Variants in SLC39A10 observed in about 807,000 individuals in gnomAD.
The protein encoded by SLC39A10 is solute carrier family 39 member 10.
Under a neutral mutation model 65.1 loss-of-function variants are expected in SLC39A10, and 13 were observed. The observed-to-expected ratio is 0.20, with a 90% CI of 0.13 to 0.32. The LOEUF (loss-of-function observed/expected upper bound fraction) is 0.32. SLC39A10 is among the 10% of genes least tolerant of loss of function. SLC39A10 has a pLI of 1.00. For synonymous variants in SLC39A10, 321 were observed against 342.2 expected (o/e 0.94, Z 0.68); for missense variants, 831 against 1,018.4 (o/e 0.82, Z 2.50).
intron 1 of SLC39A10, among the ~76,000 whole-genome samples, chr2:195,670,958 T>C (rs1689833944): frequency 6.6e-6 from 1 of 152,190 alleles, no homozygotes; most frequent in South Asian, 2.1e-4. Context: ...TACAGAAAAG[T>C]ACTCAAATGT....
chr2:195,645,605 C>T (rs1688898459), intron 2 of SLC39A10, among the ~76,000 whole-genome samples: 1 of 152,142 alleles, frequency 6.6e-6, no homozygotes, highest in African/African-American at 2.4e-5. Flanking sequence ...TTCTACCCAA[C>T]CCTCTGGTAA....
At chr2:195,660,473 A>C (rs991493860) in intron 1 of SLC39A10, among the ~76,000 whole-genome samples, 1 of 152,344 alleles carries the variant, frequency 6.6e-6, no homozygotes. Context: ...CAACAGTTTG[A>C]TGCTGCCCCC....
intron 9 of SLC39A10, among the ~76,000 whole-genome samples, chr2:195,729,342 A>G (rs1006089682): frequency 1.3e-5 from 2 of 152,112 alleles, no homozygotes; most frequent in Non-Finnish European, 2.9e-5. Flanking sequence ...TTGAAAATGT[A>G]AACAATTGTT....
chr2:195,716,093 T>C (rs1574306594), intron 6 of SLC39A10, among the ~76,000 whole-genome samples: 2 of 152,252 alleles, frequency 1.3e-5, no homozygotes, highest in East Asian at 3.8e-4. Flanking sequence ...TTTTGGGTTC[T>C]GGCTTTTCAG....
rs1691497915 is a variant in SLC39A10, at chr2:195,708,746, G to C, written c.1477G>C (p.Asp493His). 2 of 1,613,214 alleles carry C rather than the reference G, an allele frequency of 1.2e-6. No homozygotes were observed. Among genetic ancestry groups the C allele is most frequent in the East Asian group, 2.2e-5 (1 of 44,800 alleles). Reference protein sequence around the residue: ...HESNKFLEEYDAVLKGLVALG... With the variant: ...HESNKFLEEYHAVLKGLVALG... ...ATCTAACAAGTTTTTGGAAGAATATGATGCTGTATTGAAAGGACTTGTTGC... is the reference window on the plus strand; with the variant it reads ...ATCTAACAAGTTTTTGGAAGAATATCATGCTGTATTGAAAGGACTTGTTGC... The change falls in exon 5 of 10, where the codon GAT becomes CAT. Residue 493 changes from aspartate (D) to histidine (H), a missense_variant. Asp to His is a moderately conservative substitution (Grantham distance 81, BLOSUM62 -1). Coordinates refer to ENST00000359634, the MANE Select transcript of SLC39A10 (RefSeq NM_020342.3).
chr2:195,680,607 G>T lies in SLC39A10; in HGVS notation c.565G>T (p.Asp189Tyr). Residue 189 changes from aspartate (D) to tyrosine (Y), a missense_variant, in exon 2 of 10, where the codon GAT becomes TAT. Asp to Tyr is a radical substitution (Grantham distance 160). This residue lies in a region of SLC39A10 where 446 missense variants were observed against 499.2 expected (regional missense o/e 0.89). Transcript: ENST00000359634. Reference protein sequence around the residue: ...RHHHRLHHHLDHNNTHHFHND... With the variant: ...RHHHRLHHHLYHNNTHHFHND... Reference sequence around the variant, plus strand: ...TCACCATCGTTTGCATCATCATCTTGATCATAACAACACTCACCATTTTCA... The same window carrying T: ...TCACCATCGTTTGCATCATCATCTTTATCATAACAACACTCACCATTTTCA... The T allele has an allele frequency of 1.9e-6, 3 of 1,613,988 alleles. No individual in the cohort carries two copies. The highest frequency in any genetic ancestry group is 2.5e-6 in the Non-Finnish European group (3 of 1,180,010).
chr2:195,735,894 G>A lies in SLC39A10; in HGVS notation c.*853G>A, dbSNP rs916577340. The A allele has an allele frequency of 2.7e-5, 4 of 146,700 alleles. No homozygotes were observed. The highest frequency in any genetic ancestry group is 7.6e-5 in the African/African-American group (3 of 39,408). The allele number at this position is 146,700 out of a possible 1,614,324, so 9.1% of individuals were successfully genotyped here. A position where few individuals can be genotyped will look rare whatever the true frequency, so the allele number is the denominator to read the frequency against. On this transcript the variant is annotated 3_prime_UTR_variant, in exon 10 of 10. Transcript: ENST00000359634. The stretch of plus-strand genomic sequence containing the variant: ...TTGTAACCCTCTAGAAAATATCAAA[G>A]AAATGAACCAGACGTGGTTTAAATA...
rs58936616 is a variant in SLC39A10, at chr2:195,729,961, A to ATTTTTT, written c.2337+1631_2337+1636dup. 7.5e-3 allele frequency among the ~76,000 whole-genome samples: 689 copies of ATTTTTT among 92,110 alleles called. 6 individuals carry two copies. Among genetic ancestry groups the ATTTTTT allele is most frequent in the Middle Eastern group, 0.019 (2 of 104 alleles). 60.4% of individuals were successfully genotyped at this position (92,110 alleles called of 152,430 possible). On this transcript the variant is annotated intron_variant, in intron 9 of 9. Transcript: ENST00000359634. ...CCATGGGTGCACACCACCATGCCTAATTTTTTTTTTTTTTTTTTTTTTTTG... is the reference window on the plus strand; with the variant it reads ...CCATGGGTGCACACCACCATGCCTAATTTTTTTTTTTTTTTTTTTTTTTTTTTTTTG...
intron 8 of SLC39A10, among the ~76,000 whole-genome samples, chr2:195,724,188 T>C (rs1692150888): frequency 6.6e-6 from 1 of 152,194 alleles, no homozygotes; most frequent in Non-Finnish European, 1.5e-5. Flanking sequence ...TGTTAACAGA[T>C]GTTAACATCT....
rs1304816487 is a variant in SLC39A10, at chr2:195,736,085, A to G, written c.*1044A>G. On this transcript the variant is annotated 3_prime_UTR_variant, in exon 10 of 10. Transcript: ENST00000359634. ...AGTTTACCATGTCTGTAATGTGTAC[A>G]TGAAGTGTCAATTTAGAACAGTTAC... 1.3e-5 allele frequency: 2 copies of G among 152,604 alleles called. No homozygotes were observed. The highest frequency in any genetic ancestry group is 2.4e-5 in the African/African-American group (1 of 41,440). The allele number at this position is 152,604 out of a possible 1,614,324, so 9.5% of individuals were successfully genotyped here. A position where few individuals can be genotyped will look rare whatever the true frequency, so the allele number is the denominator to read the frequency against.
chr2:195,713,026 C>T (rs755988490), intron 5 of SLC39A10, among the ~76,000 whole-genome samples: 5 of 152,146 alleles, frequency 3.3e-5, no homozygotes, highest in Admixed American at 6.5e-5. Context: ...CTCTTCTTTA[C>T]GTCACATTCA....
intron 1 of SLC39A10, among the ~76,000 whole-genome samples, chr2:195,676,691 G>GT (rs1690105181): frequency 6.6e-6 from 1 of 152,132 alleles, no homozygotes; most frequent in East Asian, 1.9e-4. Context: ...ATTTTCGTTA[G>GT]TATAATTTTA....
At chr2:195,706,184 T>G (rs188237493) in intron 3 of SLC39A10, among the ~76,000 whole-genome samples, 1 of 152,258 alleles carries the variant, frequency 6.6e-6, no homozygotes, top group Non-Finnish European at 1.5e-5. Flanking sequence ...TTAGAAAGAT[T>G]TACAAAGATT....
chr2:195,713,439 C>T lies in SLC39A10; in HGVS notation c.1582C>T (p.Gln528Ter). The change falls in exon 6 of 10, where the codon CAG (glutamine) becomes TAG (stop). Residue 528 changes from glutamine to a stop codon, truncating the protein, a stop_gained. Coordinates refer to ENST00000359634, the MANE Select transcript of SLC39A10 (RefSeq NM_020342.3). LOFTEE classifies it high-confidence loss of function. ...FKHYKQQRGKQKWFMKQNTEE... is the reference protein window; with the variant it reads ...FKHYKQQRGK Reference sequence around the variant, plus strand: ...ATTTTTTTTCTTTTTTTAGGGAAAACAGAAATGGTTTATGAAACAGAACAC... The same window carrying T: ...ATTTTTTTTCTTTTTTTAGGGAAAATAGAAATGGTTTATGAAACAGAACAC... The T allele has an allele frequency of 6.5e-7, 1 of 1,543,324 alleles. No homozygotes were observed. Among genetic ancestry groups the T allele is most frequent in the Non-Finnish European group, 8.7e-7 (1 of 1,154,844 alleles).
intron 8 of SLC39A10, among the ~76,000 whole-genome samples, chr2:195,721,092 C>T (rs1402346796): frequency 6.6e-6 from 1 of 152,084 alleles, no homozygotes; most frequent in African/African-American, 2.4e-5. Flanking sequence ...CAGGCGTGCA[C>T]CACCATGCCC....
intron 3 of SLC39A10, 42 bp downstream of exon 3, chr2:195,683,948 G>C: frequency 2.2e-6 from 3 of 1,338,768 alleles, no homozygotes; most frequent in Non-Finnish European, 3.1e-6. Flanking sequence ...AATAGTACCT[G>C]TACTTACTTT....
chr2:195,624,532 G>T (rs1292481391), intron 2 of SLC39A10, among the ~76,000 whole-genome samples: 1 of 151,968 alleles, frequency 6.6e-6, no homozygotes, highest in African/African-American at 2.4e-5. Context: ...TACAAGATAC[G>T]GTGATTGTCC....
intron 6 of SLC39A10, 138 bp from the exon 7 acceptor site, chr2:195,716,499 A>T: frequency 1.4e-6 from 1 of 701,518 alleles, no homozygotes. Context: ...AATGGCTTCT[A>T]AATAATTTTA....
intron 8 of SLC39A10, among the ~76,000 whole-genome samples, chr2:195,722,661 G>T (rs1692088944): frequency 6.6e-6 from 1 of 152,186 alleles, no homozygotes; most frequent in African/African-American, 2.4e-5. Flanking sequence ...AGAAGCATGG[G>T]CAGATAGAGC....
Sources: allele counts gnomAD v4.1 joint callset (sites outside exome capture counted in the v4.1 genomes callset), GRCh38; gene constraint gnomAD v4.1.1; regional missense constraint gnomAD v4.1.1; transcripts MANE v1.5; gene names NCBI Gene and HGNC (gene_info 2026-07-23, HGNC 2026-07-21).